The following PLXNA4 variants were observed in gnomAD, a reference collection of about 807,000 sequenced individuals.
PLXNA4 encodes the protein plexin A4.
In PLXNA4, 44 loss-of-function variants were observed where a neutral mutation model predicts 191.8. The ratio of observed to expected loss-of-function variants is 0.23; its 90% CI spans 0.18 to 0.29. PLXNA4 has a LOEUF of 0.29. PLXNA4 is among the 10% of genes least tolerant of loss of function. The pLI, the probability that PLXNA4 is intolerant of heterozygous loss-of-function variation, is 1.00. For missense variants in PLXNA4, 1,800 were observed against 2,488.8 expected (o/e 0.72, Z 5.89); for synonymous variants, 1,082 against 1,009.5 (o/e 1.07, Z -1.36).
intron 1 of PLXNA4, among the ~76,000 whole-genome samples, chr7:132,512,849 C>T (rs114305734): frequency 0.032 from 4,848 of 152,278 alleles, 286 homozygotes; most frequent in African/African-American, 0.11. Context: ...CAGAGCCTAC[C>T]CACCATTTCG....
At chr7:132,482,780 C>T (rs1347837416) in intron 3 of PLXNA4, among the ~76,000 whole-genome samples, 1 of 151,660 alleles carries the variant, frequency 6.6e-6, no homozygotes, top group Non-Finnish European at 1.5e-5. Context: ...GCAACCTCCG[C>T]CTCCTGGGTT....
intron 3 of PLXNA4, among the ~76,000 whole-genome samples, chr7:132,466,798 C>G (rs918420647): frequency 3.3e-5 from 5 of 152,178 alleles, no homozygotes; most frequent in Admixed American, 2.6e-4. Flanking sequence ...TCTAAGTTCT[C>G]CCCCTGTGTT....
chr7:132,516,998 G>A (rs1798967343), intron 1 of PLXNA4, among the ~76,000 whole-genome samples: 1 of 152,066 alleles, frequency 6.6e-6, no homozygotes, highest in Non-Finnish European at 1.5e-5. Flanking sequence ...GCTCTCCAGG[G>A]GCTGAGGGTC....
At chr7:132,280,624 A>G (rs1800445392) in intron 4 of PLXNA4, among the ~76,000 whole-genome samples, 1 of 152,230 alleles carries the variant, frequency 6.6e-6, no homozygotes, top group South Asian at 2.1e-4. Flanking sequence ...AAAGAACAGA[A>G]AAGACTAGAA....
At chr7:132,130,755 GGCATAGCATGTGAGCATCA>G (rs1794903637) in intron 31 of PLXNA4, among the ~76,000 whole-genome samples, 181 bp from the exon 32 acceptor site, 1 of 152,204 alleles carries the variant, frequency 6.6e-6, no homozygotes, top group Non-Finnish European at 1.5e-5. Context: ...AGTTGTGGCA[GGCATAGCATGTGAGCATCA>G]GCATGGCAGT....
At chr7:132,211,566 C>T (rs1797802602) in intron 9 of PLXNA4, among the ~76,000 whole-genome samples, 1 of 152,190 alleles carries the variant, frequency 6.6e-6, no homozygotes, top group Non-Finnish European at 1.5e-5. Context: ...AGAAGCTCCG[C>T]AGAGAGGCAA....
At chr7:132,209,256 T>C (rs1353401658) in intron 10 of PLXNA4, among the ~76,000 whole-genome samples, 1 of 152,198 alleles carries the variant, frequency 6.6e-6, no homozygotes. Flanking sequence ...CTATCCACCC[T>C]CCTGACATCC....
In PLXNA4 at chr7:132,151,498, A is replaced by G. The variant is rs563823608; in HGVS notation, c.4661-2852T>C. Among the ~76,000 whole-genome samples the G allele has an allele frequency of 1.9e-3, 94 of 50,600 alleles. 4 individuals carry two copies. The highest frequency in any genetic ancestry group is 0.013 in the African/African-American group (85 of 6,554). The allele number at this position is 50,600 out of a possible 152,430, so 33.2% of individuals were successfully genotyped here. ...AGGAGGAGGAGGAGGAAGAAGAAGG[A>G]GGAGGAGGAGGAGAAAGGAGGAGGA... On this transcript the variant is annotated intron_variant, in intron 25 of 31. Coordinates refer to ENST00000321063, the MANE Select transcript of PLXNA4 (RefSeq NM_020911.2).
chr7:132,251,245 T>A (rs1799240168), intron 4 of PLXNA4, among the ~76,000 whole-genome samples: 1 of 152,124 alleles, frequency 6.6e-6, no homozygotes, highest in Admixed American at 6.5e-5. Context: ...AATGTTTAAT[T>A]TAACTGACCT....
intron 2 of PLXNA4, among the ~76,000 whole-genome samples, chr7:132,603,781 T>A (rs1048588980): frequency 1.3e-5 from 2 of 152,188 alleles, no homozygotes; most frequent in Non-Finnish European, 2.9e-5. Flanking sequence ...TTTATATTTC[T>A]TCCTTGAGTA....
At chr7:132,522,098 GC>G (rs1350711970) in intron 1 of PLXNA4, among the ~76,000 whole-genome samples, 1 of 152,120 alleles carries the variant, frequency 6.6e-6, no homozygotes, top group Non-Finnish European at 1.5e-5. Flanking sequence ...GACCCAGGAG[GC>G]CTTTCAGTAG....
At chr7:132,241,482 C>T (rs1401410714) in intron 4 of PLXNA4, among the ~76,000 whole-genome samples, 6 of 152,192 alleles carry the variant, frequency 3.9e-5, no homozygotes, top group Admixed American at 3.9e-4. Context: ...TCTGAAACCA[C>T]CAAATATCTC....
rs776820461 is a variant in PLXNA4, at chr7:132,145,102, G to GCC, written c.5225+15_5225+16dup. 6.2e-7 allele frequency: 1 copy of GCC among 1,613,698 alleles called. No individual in the cohort carries two copies. The highest frequency in any genetic ancestry group is 1.3e-5 in the African/African-American group (1 of 74,908). ...GCTCAGGGCTCCCGATGTGCCCCCT[G>GCC]CCCTCCCTTCACTCACCAATTGCTC... is the stretch of plus-strand genomic sequence containing the variant. On this transcript the variant is annotated intron_variant, in intron 29 of 31. Transcript: ENST00000321063.
intron 1 of PLXNA4, among the ~76,000 whole-genome samples, chr7:132,563,731 TTCC>T (rs1801517409): frequency 1.9e-5 from 1 of 51,762 alleles, no homozygotes; most frequent in Non-Finnish European, 3.6e-5. Flanking sequence ...CCTCTTCCTC[TTCC>T]TCCTCCTCTC....
At chr7:132,168,701 T>G in intron 21 of PLXNA4, 129 bp from the exon 22 acceptor site, 1 of 1,322,816 alleles carries the variant, frequency 7.6e-7, no homozygotes, top group South Asian at 1.7e-5. Flanking sequence ...ACCTGGCTAA[T>G]GCTGTCAAGC....
Position 132,361,844 on chromosome 7 carries a change from C to T in PLXNA4, c.1372-63622G>A, listed in dbSNP as rs535225897. ...GTGGCTGTGTGTGTGTGTGTGCACG[C>T]GTGCGTGAAAAAAAGTTCTATTTTG... On this transcript the variant is annotated intron_variant, in intron 3 of 31. Coordinates refer to ENST00000321063, the MANE Select transcript of PLXNA4 (RefSeq NM_020911.2). Among the ~76,000 whole-genome samples the T allele has an allele frequency of 9.2e-5, 14 of 151,750 alleles. No individual in the cohort carries two copies. The South Asian group carries it at 2.1e-3, about 23-fold the overall frequency.
intron 2 of PLXNA4, among the ~76,000 whole-genome samples, chr7:132,630,045 T>C (rs1234177011): frequency 6.6e-6 from 1 of 152,120 alleles, no homozygotes; most frequent in Non-Finnish European, 1.5e-5. Context: ...AGAGACAGGG[T>C]TCCACTGTGT....
intron 4 of PLXNA4, among the ~76,000 whole-genome samples, chr7:132,280,912 T>C (rs1800455338): frequency 6.6e-6 from 1 of 152,042 alleles, no homozygotes; most frequent in Admixed American, 6.5e-5. Flanking sequence ...GCACCTACAA[T>C]GCACATATAT....
chr7:132,585,809 T>C (rs1010305437), intron 2 of PLXNA4, among the ~76,000 whole-genome samples: 1 of 152,184 alleles, frequency 6.6e-6, no homozygotes, highest in African/African-American at 2.4e-5. Context: ...ACTCGATCCA[T>C]CATGGGTGGG....
Sources: allele counts gnomAD v4.1 joint callset (sites outside exome capture counted in the v4.1 genomes callset), GRCh38; gene constraint gnomAD v4.1.1; transcripts MANE v1.5; gene names NCBI Gene and HGNC (gene_info 2026-07-23, HGNC 2026-07-21).